The following ADCK1 variants were observed in gnomAD, a reference collection of about 807,000 sequenced individuals.
The protein encoded by ADCK1 is aarF domain-containing protein kinase 1.
In ADCK1, 41 loss-of-function variants were observed where a neutral mutation model predicts 52.3. The observed-to-expected ratio is 0.78, with a 90% CI of 0.61 to 1.02. The LOEUF (loss-of-function observed/expected upper bound fraction) is 1.02. Ranked by LOEUF, ADCK1 falls within the 50% of genes least tolerant of loss-of-function variation. The pLI is 0.00. For synonymous variants in ADCK1, 250 were observed against 274.6 expected, an observed-to-expected ratio of 0.91 and a Z score of 0.89; for missense variants, 658 against 679.5, an observed-to-expected ratio of 0.97 and a Z score of 0.35.
At chr14:77,887,853 G>A (rs1338862297) in intron 5 of ADCK1, among the ~76,000 whole-genome samples, 2 of 152,202 alleles carry the variant, frequency 1.3e-5, no homozygotes, top group Non-Finnish European at 2.9e-5. Flanking sequence ...AGCCATCACC[G>A]CCTACGGGGA....
chr14:77,803,879 G>A (rs1453729188), intron 1 of ADCK1, among the ~76,000 whole-genome samples: 1 of 152,190 alleles, frequency 6.6e-6, no homozygotes, highest in African/African-American at 2.4e-5. Context: ...ATAAAGAGAA[G>A]GGCTGAATAC....
At chr14:77,826,364 C>G (rs1195545669) in intron 3 of ADCK1, among the ~76,000 whole-genome samples, 1 of 70,046 alleles carries the variant, frequency 1.4e-5, no homozygotes, top group Non-Finnish European at 3.3e-5. Flanking sequence ...ATGTCAGAGC[C>G]AGGAGGCTAG....
At chr14:77,899,657 A>C (rs1481874962) in intron 6 of ADCK1, among the ~76,000 whole-genome samples, 1 of 152,224 alleles carries the variant, frequency 6.6e-6, no homozygotes, top group African/African-American at 2.4e-5. Flanking sequence ...TGGCTCATAC[A>C]GTTGGTTCTT....
intron 4 of ADCK1, among the ~76,000 whole-genome samples, chr14:77,864,506 G>A (rs2082620711): frequency 6.6e-6 from 1 of 152,120 alleles, no homozygotes; most frequent in Non-Finnish European, 1.5e-5. Flanking sequence ...GAACTTGATG[G>A]GAGGGGGTAA....
chr14:77,861,841 T>C (rs2082556013), intron 4 of ADCK1, among the ~76,000 whole-genome samples: 2 of 152,198 alleles, frequency 1.3e-5, no homozygotes, highest in South Asian at 4.1e-4. Context: ...GGGGGTAAGA[T>C]TGAGGGTGCA....
At chr14:77,912,653 A>G (rs1038576315) in intron 7 of ADCK1, among the ~76,000 whole-genome samples, 15 of 152,104 alleles carry the variant, frequency 9.9e-5, no homozygotes. Flanking sequence ...GACAGGGGCG[A>G]AAGTCTTACT....
chr14:77,873,681 C>T (rs1258429357), intron 4 of ADCK1, among the ~76,000 whole-genome samples: 2 of 152,186 alleles, frequency 1.3e-5, no homozygotes, highest in Non-Finnish European at 2.9e-5. Flanking sequence ...TTAGTTCTCA[C>T]ATAATCTGAT....
chr14:77,886,115 T>C (rs2083141337), intron 4 of ADCK1, among the ~76,000 whole-genome samples: 3 of 152,236 alleles, frequency 2.0e-5, no homozygotes, highest in Admixed American at 6.5e-5. Flanking sequence ...GGTGATGACC[T>C]AGAGCAAAGT....
intron 3 of ADCK1, among the ~76,000 whole-genome samples, chr14:77,833,022 C>T (rs1459411698): frequency 6.6e-6 from 1 of 152,160 alleles, no homozygotes; most frequent in African/African-American, 2.4e-5. Context: ...GGAAGTAAGA[C>T]TCAACCTCTG....
At chr14:77,858,339 G>C (rs1441531100) in intron 3 of ADCK1, among the ~76,000 whole-genome samples, 1 of 152,094 alleles carries the variant, frequency 6.6e-6, no homozygotes, top group Non-Finnish European at 1.5e-5. Flanking sequence ...CTGGGTTCAA[G>C]CAATTCTCTG....
chr14:77,914,507 G>C (rs2083871150), intron 7 of ADCK1: 1 of 985,360 alleles, frequency 1.0e-6, no homozygotes, highest in African/African-American at 1.7e-5. Flanking sequence ...TGCAAGCACT[G>C]AGTGCACTTG....
At chr14:77,890,510 T>G (rs1298004466) in intron 5 of ADCK1, among the ~76,000 whole-genome samples, 1 of 152,206 alleles carries the variant, frequency 6.6e-6, no homozygotes, top group Admixed American at 6.5e-5. Context: ...GCCCCCTTAG[T>G]TAAGTTCAGG....
chr14:77,859,498 A>G (rs1374717365), intron 4 of ADCK1, among the ~76,000 whole-genome samples: 1 of 152,200 alleles, frequency 6.6e-6, no homozygotes, highest in East Asian at 1.9e-4. Context: ...TTCATATGAG[A>G]CTGTTATTGA....
rs181614682 is a variant in ADCK1 at position 77,889,258 on chromosome 14, T to C, written c.582+2009T>C. 3.1e-3 allele frequency among the ~76,000 whole-genome samples: 468 copies of C among 152,360 alleles called. 1 individual carries two copies. Among genetic ancestry groups the C allele is most frequent in the Non-Finnish European group, 5.1e-3 (349 of 68,028 alleles). ...ACAGACTAATACACATACATACCTA[T>C]GATAAAGTTTAATTTATAAATTATG... On this transcript the variant is annotated intron_variant, in intron 5 of 10. Coordinates refer to ENST00000238561, the MANE Select transcript of ADCK1 (RefSeq NM_020421.4).
intron 5 of ADCK1, among the ~76,000 whole-genome samples, chr14:77,894,025 G>A (rs914852954): frequency 1.3e-5 from 2 of 152,134 alleles, no homozygotes; most frequent in Non-Finnish European, 2.9e-5. Context: ...GAGCCACCGC[G>A]TCCAGCCTCA....
intron 3 of ADCK1, among the ~76,000 whole-genome samples, chr14:77,824,742 C>A (rs1055364862): frequency 1.3e-5 from 2 of 152,024 alleles, no homozygotes; most frequent in African/African-American, 4.8e-5. Flanking sequence ...CCCCAAAATG[C>A]CTTTTTACAG....
At chr14:77,842,797 G>A in intron 3 of ADCK1, among the ~76,000 whole-genome samples, 1 of 151,928 alleles carries the variant, frequency 6.6e-6, no homozygotes, top group East Asian at 1.9e-4. Flanking sequence ...TGATCCACCT[G>A]CCTTGGCCTC....
chr14:77,909,798 A>G (rs1409844172), intron 7 of ADCK1, among the ~76,000 whole-genome samples: 2 of 152,062 alleles, frequency 1.3e-5, no homozygotes, highest in African/African-American at 4.8e-5. Context: ...TCCTTTTACC[A>G]TTAGCATTTA....
intron 1 of ADCK1, among the ~76,000 whole-genome samples, chr14:77,813,049 C>G (rs975376341): frequency 6.6e-6 from 1 of 152,088 alleles, no homozygotes; most frequent in Admixed American, 6.6e-5. Flanking sequence ...GTTGCCCAGG[C>G]TGGAGTGCAA....
Sources: gnomAD v4.1 joint callset for allele counts (sites outside exome capture counted in the v4.1 genomes callset) on GRCh38, gnomAD v4.1.1 for gene constraint, MANE v1.5 for transcripts, NCBI Gene and HGNC (gene_info 2026-07-23, HGNC 2026-07-21) for gene names.